CRADD: variants seen among roughly 807,000 people sequenced by gnomAD.
CRADD encodes the protein death domain-containing protein CRADD.
A neutral mutation model predicts 15.5 loss-of-function variants in CRADD; 9 were observed. The ratio of observed to expected loss-of-function variants is 0.58; its 90% CI spans 0.35 to 1.01. The LOEUF (loss-of-function observed/expected upper bound fraction) is 1.01, where lower values mean the gene tolerates loss of function less well. Ranked by LOEUF, CRADD falls within the 50% of genes least tolerant of loss-of-function variation. The probability of loss-of-function intolerance (pLI) is 0.02; values close to 1 mark genes in which losing one functional copy is unlikely to be tolerated. For synonymous variants in CRADD, 118 were observed against 107.6 expected (o/e 1.10, Z -0.60); for missense variants, 227 against 250.3 (o/e 0.91, Z 0.63).
rs532753238 is a variant in CRADD, at chr12:93,877,455, C to T, written c.299-16595C>T. Among the ~76,000 whole-genome samples the T allele has an allele frequency of 5.9e-5, 9 of 152,350 alleles. No homozygotes were observed. The South Asian group carries it at 1.9e-3, about 32-fold the overall frequency. On this transcript the variant is annotated intron_variant, in intron 2 of 2. Coordinates refer to the CRADD transcript ENST00000548483. ...CAGACACCAGGTGGGTCCAGAGGTG[C>T]TGTACAGGAGTCAGGGAATACAGTC...
At chr12:93,822,506 C>T (rs1199189898) in intron 2 of CRADD, among the ~76,000 whole-genome samples, 1 of 152,178 alleles carries the variant, frequency 6.6e-6, no homozygotes, top group Non-Finnish European at 1.5e-5. Flanking sequence ...CAGGCATGGG[C>T]AACTCCAGAC....
In CRADD at chr12:93,886,162, C is replaced by CTTTTT. The variant is rs761719331; in HGVS notation, c.299-7872_299-7868dup. On this transcript the variant is annotated intron_variant, in intron 2 of 2. Transcript: ENST00000548483. ...ATGGACATGCCTCTAGCTGCTGATGCTTTTTTTTTTTTTTTTTTTTGAGAC... is the reference window on the plus strand; with the variant it reads ...ATGGACATGCCTCTAGCTGCTGATGCTTTTTTTTTTTTTTTTTTTTTTTTTGAGAC... Among the ~76,000 whole-genome samples the CTTTTT allele has an allele frequency of 3.0e-4, 37 of 123,940 alleles. 4 individuals are homozygous for CTTTTT. Among genetic ancestry groups the CTTTTT allele is most frequent in the South Asian group, 2.6e-4 (1 of 3,846 alleles). 81.3% of individuals were successfully genotyped at this position (123,940 alleles called of 152,430 possible).
chr12:93,691,428 A>G (rs1955569927), intron 2 of CRADD, among the ~76,000 whole-genome samples: 1 of 151,792 alleles, frequency 6.6e-6, no homozygotes, highest in Admixed American at 6.6e-5. Flanking sequence ...TAATTTTTGT[A>G]TTGTTAGTAG....
intron 2 of CRADD, among the ~76,000 whole-genome samples, chr12:93,775,215 A>G (rs1329796523): frequency 6.6e-6 from 1 of 152,222 alleles, no homozygotes; most frequent in East Asian, 1.9e-4. Flanking sequence ...CAGCTCAAAC[A>G]TCAATAAGCA....
At chr12:93,729,736 G>A (rs1218405060) in intron 2 of CRADD, among the ~76,000 whole-genome samples, 3 of 148,176 alleles carry the variant, frequency 2.0e-5, no homozygotes, top group Middle Eastern at 3.4e-3. Flanking sequence ...AGTGAGCCGA[G>A]ATTGCGCCAG....
At chr12:93,733,255 G>A (rs765631650) in intron 2 of CRADD, among the ~76,000 whole-genome samples, 1 of 152,044 alleles carries the variant, frequency 6.6e-6, no homozygotes, top group Non-Finnish European at 1.5e-5. Context: ...GGTACACATA[G>A]CTAAGACTGT....
intron 2 of CRADD, among the ~76,000 whole-genome samples, chr12:93,860,744 T>G (rs1298663433): frequency 6.6e-6 from 1 of 152,170 alleles, no homozygotes; most frequent in Non-Finnish European, 1.5e-5. Context: ...TTCAGCACCT[T>G]TGGTTGCTAC....
intron 2 of CRADD, among the ~76,000 whole-genome samples, chr12:93,730,544 T>C (rs1461275934): frequency 6.6e-6 from 1 of 152,196 alleles, no homozygotes; most frequent in Non-Finnish European, 1.5e-5. Context: ...AGAATTTGTC[T>C]GAAAGGACTA....
intron 2 of CRADD, among the ~76,000 whole-genome samples, chr12:93,888,447 G>A (rs1357562106): frequency 6.6e-6 from 1 of 150,582 alleles, no homozygotes; most frequent in Non-Finnish European, 1.5e-5. Context: ...AAAAGATAGA[G>A]ATGGCAGATA....
Position 93,679,316 on chromosome 12 carries a change from A to G in CRADD, c.298+244A>G, listed in dbSNP as rs556925675. ...GCCACCATGCCCTGCTAAGTTTTGT[A>G]TTTTTAGTAGAGATGGGGTTTCATC... On this transcript the variant is annotated intron_variant, in intron 2 of 2. Transcript: ENST00000332896. Among the ~76,000 whole-genome samples the G allele has an allele frequency of 5.3e-5, 8 of 151,868 alleles. No homozygotes were observed. The South Asian group carries it at 1.7e-3, about 32-fold the overall frequency.
At chr12:93,745,322 T>C (rs1956733283) in intron 2 of CRADD, among the ~76,000 whole-genome samples, 1 of 152,218 alleles carries the variant, frequency 6.6e-6, no homozygotes, top group African/African-American at 2.4e-5. Context: ...TTGAAATTAC[T>C]GGAAAAAAAA....
intron 2 of CRADD, among the ~76,000 whole-genome samples, chr12:93,857,743 G>T (rs781170290): frequency 6.6e-6 from 1 of 152,184 alleles, no homozygotes; most frequent in Non-Finnish European, 1.5e-5. Context: ...GAGATCACAT[G>T]GCAAGAGGGG....
chr12:93,813,663 C>T (rs375224023), intron 2 of CRADD, among the ~76,000 whole-genome samples: 4 of 152,156 alleles, frequency 2.6e-5, no homozygotes, highest in East Asian at 1.9e-4. Context: ...CAGAGGGCCT[C>T]GGTGGTCCAA....
chr12:93,699,205 C>T (rs951264440), intron 2 of CRADD, among the ~76,000 whole-genome samples: 1 of 152,264 alleles, frequency 6.6e-6, no homozygotes, highest in Middle Eastern at 3.4e-3. Flanking sequence ...GGCCTTTCTT[C>T]AGGGTAAACT....
intron 2 of CRADD, among the ~76,000 whole-genome samples, chr12:93,744,201 G>C (rs1956721027): frequency 6.6e-6 from 1 of 152,222 alleles, no homozygotes; most frequent in Non-Finnish European, 1.5e-5. Context: ...GGAGCAGCAG[G>C]CCTGGACTTG....
At chr12:93,840,794 C>T (rs1593035567) in intron 2 of CRADD, among the ~76,000 whole-genome samples, 2 of 151,872 alleles carry the variant, frequency 1.3e-5, no homozygotes, top group South Asian at 2.1e-4. Context: ...CTCGAACTCC[C>T]GACCTAAGGT....
At chr12:93,713,170 C>T (rs1956104231) in intron 2 of CRADD, among the ~76,000 whole-genome samples, 1 of 152,082 alleles carries the variant, frequency 6.6e-6, no homozygotes, top group Non-Finnish European at 1.5e-5. Context: ...AGTTCTCCTT[C>T]CCACCACTTC....
chr12:93,687,105 A>C (rs753605615), intron 2 of CRADD, among the ~76,000 whole-genome samples: 3 of 152,244 alleles, frequency 2.0e-5, no homozygotes, highest in African/African-American at 4.8e-5. Context: ...GACATAAAGG[A>C]AAAGCGGAAG....
At chr12:93,809,851 C>A (rs1206335593) in intron 2 of CRADD, among the ~76,000 whole-genome samples, 1 of 152,164 alleles carries the variant, frequency 6.6e-6, no homozygotes, top group Non-Finnish European at 1.5e-5. Flanking sequence ...ATGAATTTAG[C>A]CTCTTTTTGT....
Sources: gnomAD v4.1 joint callset for allele counts (sites outside exome capture counted in the v4.1 genomes callset) on GRCh38, gnomAD v4.1.1 for gene constraint, MANE v1.5 for transcripts, NCBI Gene and HGNC (gene_info 2026-07-23, HGNC 2026-07-21) for gene names.